Variants in BRWD3 observed in about 807,000 individuals in gnomAD.
The protein encoded by BRWD3 is bromodomain and WD repeat-containing protein 3.
A neutral mutation model predicts 149.7 loss-of-function variants in BRWD3; 10 were observed. The observed-to-expected ratio is 0.07, with a 90% CI of 0.04 to 0.11. The LOEUF (loss-of-function observed/expected upper bound fraction) is 0.11, where lower values mean the gene tolerates loss of function less well. Among genes scored for constraint, BRWD3 ranks in the 10% least tolerant of loss-of-function variants. The pLI is 1.00. For missense variants in BRWD3, 940 were observed against 1,373.2 expected, an observed-to-expected ratio of 0.68 and a Z score of 4.99; for synonymous variants, 504 against 456.7, an observed-to-expected ratio of 1.10 and a Z score of -1.32.
chrX:80,703,266 A>G (rs1010985809), intron 24 of BRWD3, among the ~76,000 whole-genome samples: 8 of 111,330 alleles, frequency 7.2e-5, no homozygotes, highest in Non-Finnish European at 1.3e-4. Context: ...TTCAATGAGC[A>G]TCTAATAGAC....
intron 25 of BRWD3, 36 bp downstream of exon 25, chrX:80,699,921 C>T (rs1377124783): frequency 1.9e-6 from 2 of 1,048,914 alleles, no homozygotes; most frequent in South Asian, 3.8e-5. Flanking sequence ...TCCAAAGCTA[C>T]TTCCATTGCA....
At chrX:80,705,220 T>C (rs1410491076) in intron 22 of BRWD3, among the ~76,000 whole-genome samples, 1 of 107,642 alleles carries the variant, frequency 9.3e-6, no homozygotes, top group East Asian at 2.9e-4. Context: ...GAGCCGAGAG[T>C]GTACCACTGT....
intron 12 of BRWD3, among the ~76,000 whole-genome samples, chrX:80,731,633 G>A (rs992475955): frequency 9.0e-6 from 1 of 110,753 alleles, no homozygotes; most frequent in Non-Finnish European, 1.9e-5. Context: ...AGTGGCTCAC[G>A]CCTGTAATCC....
chrX:80,688,193 A>G lies in BRWD3; in HGVS notation c.3808-68T>C. The G allele has an allele frequency of 7.0e-6, 6 of 858,464 alleles. No homozygotes were observed. The South Asian group carries it at 1.2e-4, about 17-fold the overall frequency. The allele number at this position is 858,464 out of a possible 1,213,427, so 70.7% of individuals were successfully genotyped here. A position where few individuals can be genotyped will look rare whatever the true frequency, so the allele number is the denominator to read the frequency against. On this transcript the variant is annotated intron_variant, in intron 33 of 40. Transcript: ENST00000373275. ...TCAAAGTCATATAAATTAGATGGAC[A>G]TTTACAAATAAACGGGAAATAAAAT...
At position 80,766,097 on chromosome X, in the gene BRWD3, A is replaced by G. The variant is rs959798123; in HGVS notation, c.431-20368T>C. Among the ~76,000 whole-genome samples the G allele has an allele frequency of 5.4e-5, 6 of 112,033 alleles. No individual in the cohort carries two copies. The Admixed American group carries it at 5.7e-4, about 11-fold the overall frequency. Reference sequence around the variant, plus strand: ...GTGATTAACATTTGAATTGGTAGACAGAGTAAAGCAGATTGCCCTCCCCAA... The same window carrying G: ...GTGATTAACATTTGAATTGGTAGACGGAGTAAAGCAGATTGCCCTCCCCAA... On this transcript the variant is annotated intron_variant, in intron 6 of 40. Coordinates refer to ENST00000373275, the MANE Select transcript of BRWD3 (RefSeq NM_153252.5).
intron 33 of BRWD3, among the ~76,000 whole-genome samples, chrX:80,688,463 A>G (rs1433413603): frequency 8.9e-6 from 1 of 111,804 alleles, no homozygotes; most frequent in Admixed American, 9.5e-5. Context: ...TATTTAATAT[A>G]AAATTATTAA....
At chrX:80,807,577 A>C (rs926343934) in intron 4 of BRWD3, among the ~76,000 whole-genome samples, 2 of 111,395 alleles carry the variant, frequency 1.8e-5, no homozygotes, top group African/African-American at 6.5e-5. Context: ...TTCTCCTTTC[A>C]CTACCCTCCA....
chrX:80,791,888 T>C lies in BRWD3; in HGVS notation c.396A>G (p.Glu132=). ...FAALHRGRPP[E]LPVNYVKPPN... is the part of the protein sequence containing the mutation. ...GAGGTTTCACATAATTTACAGGTAG[T>C]TCTGGAGGTCTGCCTCTATGCAGAG... is the stretch of plus-strand genomic sequence containing the variant. Residue 132 remains glutamate, a synonymous_variant, in exon 6 of 41, where the codon GAA becomes GAG. Coordinates refer to ENST00000373275, the MANE Select transcript of BRWD3 (RefSeq NM_153252.5). 1 of 1,208,445 alleles carries C rather than the reference T, an allele frequency of 8.3e-7. No homozygotes were observed. The highest frequency in any genetic ancestry group is 1.7e-5 in the African/African-American group (1 of 57,799).
intron 18 of BRWD3, among the ~76,000 whole-genome samples, chrX:80,718,000 C>T (rs748108760): frequency 4.6e-4 from 51 of 110,924 alleles, no homozygotes; most frequent in Admixed American, 7.7e-4. Flanking sequence ...AAAGTAGTTT[C>T]ACATCTGACA....
At chrX:80,706,110 A>G (rs1156324550) in intron 22 of BRWD3, among the ~76,000 whole-genome samples, 2 of 105,955 alleles carry the variant, frequency 1.9e-5, no homozygotes, top group Non-Finnish European at 3.9e-5. Flanking sequence ...GTACAGCCGT[A>G]TTTTTTTTTT....
At position 80,670,119 on chromosome X, in the gene BRWD3, T is replaced by C. The variant is rs1288357068; in HGVS notation, c.*6490A>G. The stretch of plus-strand genomic sequence containing the variant: ...CAAAGAAAAATCTATTAAAGTTACA[T>C]AGAAAGGAAAGGAAAATGTTTCCCT... On this transcript the variant is annotated 3_prime_UTR_variant, in exon 41 of 41. Transcript: ENST00000373275. 3.6e-5 allele frequency among the ~76,000 whole-genome samples: 4 copies of C among 111,298 alleles called. No individual in the cohort carries two copies. Among genetic ancestry groups the C allele is most frequent in the Non-Finnish European group, 7.5e-5 (4 of 53,051 alleles).
intron 15 of BRWD3, 68 bp downstream of exon 15, chrX:80,724,861 TTTAA>T: frequency 3.5e-6 from 4 of 1,143,634 alleles, no homozygotes; most frequent in Non-Finnish European, 3.6e-6. Context: ...CTAGGTATAC[TTTAA>T]TTAACCAAGT....
intron 25 of BRWD3, among the ~76,000 whole-genome samples, chrX:80,698,507 G>A (rs1438112429): frequency 3.6e-5 from 4 of 110,574 alleles, no homozygotes; most frequent in Non-Finnish European, 7.6e-5. Context: ...TCAGGAGTTC[G>A]AGACCAGCCT....
At chrX:80,735,283 T>C in intron 9 of BRWD3, 86 bp from the exon 10 acceptor site, 1 of 723,949 alleles carries the variant, frequency 1.4e-6, no homozygotes, top group Non-Finnish European at 2.2e-6. Context: ...TACTGATCAA[T>C]TTAGCATCAA....
At chrX:80,746,390 A>AT (rs1165620772) in intron 6 of BRWD3, among the ~76,000 whole-genome samples, 176 of 107,099 alleles carry the variant, frequency 1.6e-3, no homozygotes, top group African/African-American at 5.5e-3. Flanking sequence ...GTCCTATCTC[A>AT]TTTTTTTTTC....
chrX:80,707,437 T>G lies in BRWD3; in HGVS notation c.2542A>C (p.Ser848Arg). 8.3e-7 allele frequency: 1 copy of G among 1,210,227 alleles called. No individual in the cohort carries two copies. The highest frequency in any genetic ancestry group is 1.1e-6 in the Non-Finnish European group (1 of 893,867). ...EDPVVEWQSE[S>R]SSSDSSSEYS... ...AACCATTAAAACTACCTGGAAGAAC[T>G]TTCACTTTGCCATTCAACAACAGGA... The change falls in exon 22 of 41, where the codon AGT (serine) becomes CGT (arginine). Residue 848 changes from serine (S) to arginine (R), a missense_variant. Physicochemically the swap from Ser to Arg is moderately radical, Grantham distance 110 (BLOSUM62 -1). Around this residue, in one of 6 missense-constraint regions of BRWD3, gnomAD observed 158 missense variants for 284.0 expected, o/e 0.56. Coordinates refer to ENST00000373275, the MANE Select transcript of BRWD3 (RefSeq NM_153252.5).
At chrX:80,800,173 A>G (rs2074277624) in intron 4 of BRWD3, among the ~76,000 whole-genome samples, 1 of 108,856 alleles carries the variant, frequency 9.2e-6, no homozygotes, top group South Asian at 4.0e-4. Context: ...GGGCATTCCA[A>G]GCAAAGAGAA....
Position 80,717,607 on chromosome X carries a change from C to T in BRWD3, c.2197G>A (p.Val733Met), listed in dbSNP as rs1367451244. ...ERDLMAWSRR[V>M]VVNELNNGVS... ...CCATTATTTAGTTCATTGACCACCACTCTTCTGCTCCACGCCATGAGATCT... is the reference window on the plus strand; with the variant it reads ...CCATTATTTAGTTCATTGACCACCATTCTTCTGCTCCACGCCATGAGATCT... The change falls in exon 19 of 41, where the codon GTG becomes ATG. Residue 733 changes from valine to methionine, a missense_variant. Around this residue, in one of 6 missense-constraint regions of BRWD3, gnomAD observed 103 missense variants for 103.2 expected, o/e 1.00. Coordinates refer to ENST00000373275, the MANE Select transcript of BRWD3 (RefSeq NM_153252.5). 1 of 1,211,718 alleles carries T rather than the reference C, an allele frequency of 8.3e-7. No homozygotes were observed. Among genetic ancestry groups the T allele is most frequent in the Non-Finnish European group, 1.1e-6 (1 of 895,354 alleles).
intron 18 of BRWD3, among the ~76,000 whole-genome samples, chrX:80,718,846 T>C (rs762137129): frequency 8.9e-6 from 1 of 111,770 alleles, no homozygotes; most frequent in Admixed American, 9.5e-5. Flanking sequence ...TAGCTCTTGA[T>C]ACAAGCTAAA....
Sources: allele counts gnomAD v4.1 joint callset (sites outside exome capture counted in the v4.1 genomes callset), GRCh38; gene constraint gnomAD v4.1.1; regional missense constraint gnomAD v4.1.1; transcripts MANE v1.5; gene names NCBI Gene and HGNC (gene_info 2026-07-23, HGNC 2026-07-21).